The following MCF2L2 variants were observed in gnomAD, a reference collection of about 807,000 sequenced individuals.
The protein encoded by MCF2L2 is probable guanine nucleotide exchange factor MCF2L2.
A neutral mutation model predicts 150.2 loss-of-function variants in MCF2L2; 102 were observed. The ratio of observed to expected loss-of-function variants is 0.68; its 90% CI spans 0.58 to 0.80. MCF2L2 has a LOEUF of 0.80. MCF2L2 is among the 30% of genes least tolerant of loss of function. The pLI is 0.00. For synonymous variants in MCF2L2, 465 were observed against 491.3 expected, an observed-to-expected ratio of 0.95 and a Z score of 0.71; for missense variants, 1,256 against 1,372.8, an observed-to-expected ratio of 0.91 and a Z score of 1.34.
In MCF2L2 at chr3:183,309,732, A is replaced by G; in HGVS notation, c.1097T>C (p.Leu366Pro). ...VEQILKEHKK[L>P]EEKSQEPLEK... is the part of the protein sequence containing the mutation. ...AAAGCAAACCTGGCTTTTTTCCTCCAGTTTTTTGTGTTCCTTAAGAATCTG... is the reference window on the plus strand; with the variant it reads ...AAAGCAAACCTGGCTTTTTTCCTCCGGTTTTTTGTGTTCCTTAAGAATCTG... Residue 366 changes from leucine (L) to proline (P), a missense_variant, in exon 10 of 30, where the codon CTG becomes CCG. Physicochemically the swap from Leu to Pro is moderately conservative, Grantham distance 98. Coordinates refer to ENST00000328913, the MANE Select transcript of MCF2L2 (RefSeq NM_015078.4). 6.2e-7 allele frequency: 1 copy of G among 1,613,898 alleles called. No individual in the cohort carries two copies. The highest frequency in any genetic ancestry group is 1.3e-5 in the African/African-American group (1 of 74,956).
chr3:183,216,079 TTC>T lies in MCF2L2; in HGVS notation c.2384_2385del (p.Arg795AsnfsTer9). Reference protein sequence around the residue: ...LGGSAKDGPKRTKDSAFSTEL... With the variant: ...LGGSAKDGPKXTKDSAFSTEL... ...TCAGTTGAGAATGCTGAATCTTTGG[TTC>T]TCTTTGGCCCATCCTGTGGAAAACA... is the stretch of plus-strand genomic sequence containing the variant. On this transcript the variant is annotated frameshift_variant, in exon 22 of 30. Coordinates refer to ENST00000328913, the MANE Select transcript of MCF2L2 (RefSeq NM_015078.4). LOFTEE classifies it high-confidence loss of function. The T allele has an allele frequency of 6.2e-7, 1 of 1,613,790 alleles. No individual in the cohort carries two copies. Among genetic ancestry groups the T allele is most frequent in the Non-Finnish European group, 8.5e-7 (1 of 1,179,852 alleles).
chr3:183,180,911 C>G (rs1431868511), intron 27 of MCF2L2, among the ~76,000 whole-genome samples: 2 of 152,240 alleles, frequency 1.3e-5, no homozygotes, highest in Non-Finnish European at 1.5e-5. Flanking sequence ...CACTCCTGCT[C>G]TTTACCCTCG....
intron 22 of MCF2L2, among the ~76,000 whole-genome samples, chr3:183,210,336 A>C (rs1478408025): frequency 4.6e-5 from 7 of 152,258 alleles, no homozygotes; most frequent in African/African-American, 1.7e-4. Context: ...TGCATATAAT[A>C]AAGCCATTTA....
chr3:183,266,642 G>A (rs554750357), intron 15 of MCF2L2, among the ~76,000 whole-genome samples: 15 of 152,140 alleles, frequency 9.9e-5, no homozygotes, highest in Admixed American at 1.3e-4. Context: ...AAGTGATTTC[G>A]CAAATTTTAG....
chr3:183,321,749 T>A (rs956911547), intron 6 of MCF2L2, among the ~76,000 whole-genome samples: 1 of 152,262 alleles, frequency 6.6e-6, no homozygotes, highest in Non-Finnish European at 1.5e-5. Flanking sequence ...ATACTAGTTG[T>A]ATTTTTTAAA....
At chr3:183,216,565 T>TAAA (rs1272709394) in intron 21 of MCF2L2, among the ~76,000 whole-genome samples, 3 of 3,138 alleles carry the variant, frequency 9.6e-4, no homozygotes, top group East Asian at 0.025. Flanking sequence ...TATATATATA[T>TAAA]ATATATATAT....
Position 183,303,113 on chromosome 3 carries a change from G to A in MCF2L2, c.1114-2917C>T, listed in dbSNP as rs770747673. ...GGAGGCTGAGGCAGGAGAATAGCTTGAACCTGGGAGGCGGAGGTTGCAGTA... is the reference window on the plus strand; with the variant it reads ...GGAGGCTGAGGCAGGAGAATAGCTTAAACCTGGGAGGCGGAGGTTGCAGTA... On this transcript the variant is annotated intron_variant, in intron 10 of 29. Coordinates refer to ENST00000328913, the MANE Select transcript of MCF2L2 (RefSeq NM_015078.4). 2.6e-4 allele frequency among the ~76,000 whole-genome samples: 39 copies of A among 151,426 alleles called. 1 individual carries two copies. The highest frequency in any genetic ancestry group is 4.6e-4 in the Non-Finnish European group (31 of 67,938).
At chr3:183,358,060 G>A (rs1013278734) in intron 3 of MCF2L2, among the ~76,000 whole-genome samples, 3 of 152,112 alleles carry the variant, frequency 2.0e-5, no homozygotes, top group African/African-American at 7.2e-5. Context: ...GGCCGAGAAG[G>A]GCAGATGACC....
intron 13 of MCF2L2, among the ~76,000 whole-genome samples, chr3:183,294,144 C>G (rs891236472): frequency 1.1e-4 from 17 of 152,072 alleles, no homozygotes; most frequent in African/African-American, 4.1e-4. Flanking sequence ...GTTGGAACAT[C>G]GCATGACTTG....
At chr3:183,423,331 T>C (rs1715982109) in intron 1 of MCF2L2, among the ~76,000 whole-genome samples, 1 of 152,230 alleles carries the variant, frequency 6.6e-6, no homozygotes, top group Non-Finnish European at 1.5e-5. Context: ...ATGTTATCAA[T>C]GTTGACTGTG....
At chr3:183,405,919 C>T (rs1384155103) in intron 1 of MCF2L2, among the ~76,000 whole-genome samples, 3 of 152,106 alleles carry the variant, frequency 2.0e-5, no homozygotes, top group African/African-American at 7.2e-5. Flanking sequence ...TTTTACCATG[C>T]TGGCCAGGCT....
intron 14 of MCF2L2, among the ~76,000 whole-genome samples, chr3:183,278,212 T>A (rs115531663): frequency 0.031 from 4,620 of 147,856 alleles, 265 homozygotes; most frequent in African/African-American, 0.11. Context: ...ATATATATAT[T>A]TTTTATTATA....
intron 15 of MCF2L2, among the ~76,000 whole-genome samples, chr3:183,245,714 T>C (rs1439674303): frequency 2.0e-5 from 3 of 152,092 alleles, no homozygotes; most frequent in Non-Finnish European, 4.4e-5. Context: ...TAAAATAAAT[T>C]CCTAGAACTG....
chr3:183,322,809 G>C (rs868663116), intron 6 of MCF2L2, among the ~76,000 whole-genome samples: 5 of 151,970 alleles, frequency 3.3e-5, no homozygotes, highest in Non-Finnish European at 5.9e-5. Context: ...AGTAGTCCCC[G>C]GGGGGTGACA....
chr3:183,295,312 G>T lies in MCF2L2; in HGVS notation c.1663C>A (p.Pro555Thr). ...PKWVSSKTSQPSTSVPLARPL... is the reference protein window; with the variant it reads ...PKWVSSKTSQTSTSVPLARPL... ...TCAAATAACCTACCCGAGGTGGAGG[G>T]CTGGCTGGTTTTTGATGACACCCAT... Residue 555 changes from proline (P) to threonine (T), a missense_variant, in exon 13 of 30, where the codon CCC (proline) becomes ACC (threonine). Pro to Thr is a conservative substitution (Grantham distance 38). Coordinates refer to ENST00000328913, the MANE Select transcript of MCF2L2 (RefSeq NM_015078.4). 6.2e-7 allele frequency: 1 copy of T among 1,608,234 alleles called. No homozygotes were observed. Among genetic ancestry groups the T allele is most frequent in the South Asian group, 1.1e-5 (1 of 90,564 alleles).
At position 183,339,013 on chromosome 3, in the gene MCF2L2, T is replaced by A. The variant is rs1577074177; in HGVS notation, c.367-94A>T. The A allele has an allele frequency of 5.4e-6, 7 of 1,290,398 alleles. No individual in the cohort carries two copies. The East Asian group carries it at 1.7e-4, about 32-fold the overall frequency. The allele number at this position is 1,290,398 out of a possible 1,614,324, so 79.9% of individuals were successfully genotyped here. A position where few individuals can be genotyped will look rare whatever the true frequency, so the allele number is the denominator to read the frequency against. On this transcript the variant is annotated intron_variant, in intron 4 of 29. Coordinates refer to ENST00000328913, the MANE Select transcript of MCF2L2 (RefSeq NM_015078.4). ...GGTCTCCCCTTGCCCAAGATTAAGA[T>A]CACAGAAGGAAAAGTTAAAACGGAT...
At chr3:183,334,665 C>T (rs1166058212) in intron 5 of MCF2L2, among the ~76,000 whole-genome samples, 1 of 151,588 alleles carries the variant, frequency 6.6e-6, no homozygotes, top group Non-Finnish European at 1.5e-5. Flanking sequence ...TAATGGCAGG[C>T]ACCTGTAATC....
intron 14 of MCF2L2, among the ~76,000 whole-genome samples, chr3:183,287,047 G>A (rs1039041887): frequency 2.0e-5 from 3 of 152,116 alleles, no homozygotes; most frequent in African/African-American, 7.2e-5. Flanking sequence ...GGCAAAAGAA[G>A]GAAGAAACCA....
chr3:183,304,793 CTT>C (rs2108503113), intron 10 of MCF2L2, among the ~76,000 whole-genome samples: 1 of 152,164 alleles, frequency 6.6e-6, no homozygotes, highest in East Asian at 1.9e-4. Flanking sequence ...ATTTTTGACT[CTT>C]TGGTTCACTG....
Sources: gnomAD v4.1 joint callset for allele counts (sites outside exome capture counted in the v4.1 genomes callset) on GRCh38, gnomAD v4.1.1 for gene constraint, MANE v1.5 for transcripts, NCBI Gene and HGNC (gene_info 2026-07-23, HGNC 2026-07-21) for gene names.